DCLK1: variants seen among roughly 807,000 people sequenced by gnomAD.
DCLK1 encodes doublecortin like kinase 1.
DCLK1 carries 16 observed loss-of-function variants against 86.2 expected under a neutral mutation model. That is an observed-to-expected ratio of 0.19 (90% CI 0.13 to 0.28). The LOEUF is 0.28. Among genes scored for constraint, DCLK1 ranks in the 10% least tolerant of loss-of-function variants. The probability of loss-of-function intolerance (pLI) is 1.00; values close to 1 mark genes in which losing one functional copy is unlikely to be tolerated. For synonymous variants in DCLK1, 369 were observed against 370.5 expected (o/e 1.00, Z 0.05); for missense variants, 590 against 940.2 (o/e 0.63, Z 4.87).
intron 16 of DCLK1, among the ~76,000 whole-genome samples, chr13:35,776,871 A>G (rs2086433453): frequency 6.6e-6 from 1 of 152,174 alleles, no homozygotes; most frequent in East Asian, 1.9e-4. Flanking sequence ...GGCTGCAGCC[A>G]CTGAAATACA....
chr13:35,981,843 T>C (rs977077744), intron 3 of DCLK1, among the ~76,000 whole-genome samples: 6 of 152,212 alleles, frequency 3.9e-5, no homozygotes, highest in Admixed American at 6.5e-5. Context: ...AATTCCATTT[T>C]TAATTTTTTA....
intron 3 of DCLK1, among the ~76,000 whole-genome samples, chr13:36,058,755 T>C (rs917186591): frequency 1.3e-5 from 2 of 152,182 alleles, no homozygotes; most frequent in Admixed American, 1.3e-4. Flanking sequence ...CTGTGAGAAC[T>C]CGATTGAGCA....
rs58824322 is a variant in DCLK1 at position 36,100,179 on chromosome 13, C to CAAAAAAAAAAAAAAAAAAA, written c.723+11671_723+11689dup. On this transcript the variant is annotated intron_variant, in intron 3 of 16. Transcript: ENST00000360631. ...ACAACAGGGCAAAACCCTGTCTCTA[C>CAAAAAAAAAAAAAAAAAAA]AAAAAAAAAAAAAAAAAAAAAAAAA... 1.3e-4 allele frequency among the ~76,000 whole-genome samples: 5 copies of CAAAAAAAAAAAAAAAAAAA among 37,686 alleles called. 1 individual carries two copies. The highest frequency in any genetic ancestry group is 2.1e-4 in the Non-Finnish European group (5 of 23,304). 24.7% of individuals were successfully genotyped at this position (37,686 alleles called of 152,430 possible).
chr13:36,031,951 G>A (rs1005214008), intron 3 of DCLK1, among the ~76,000 whole-genome samples: 2 of 152,148 alleles, frequency 1.3e-5, no homozygotes, highest in Non-Finnish European at 2.9e-5. Flanking sequence ...AACACTTTAG[G>A]TGGAAGGAGA....
At chr13:36,052,494 A>C (rs186200991) in intron 3 of DCLK1, among the ~76,000 whole-genome samples, 95 of 152,290 alleles carry the variant, frequency 6.2e-4, no homozygotes, top group African/African-American at 2.2e-3. Flanking sequence ...CCTTAGGTTG[A>C]TAATTCATTC....
chr13:35,908,323 G>A (rs888904744), intron 4 of DCLK1, among the ~76,000 whole-genome samples: 11 of 152,144 alleles, frequency 7.2e-5, no homozygotes, highest in Admixed American at 7.2e-4. Context: ...GAAGATAAAA[G>A]CTTTCTCATC....
At chr13:35,994,150 G>A (rs747431055) in intron 3 of DCLK1, among the ~76,000 whole-genome samples, 13 of 152,150 alleles carry the variant, frequency 8.5e-5, no homozygotes, top group Non-Finnish European at 1.5e-4. Flanking sequence ...AGTAGGTTGG[G>A]GCATGGTGAT....
chr13:35,951,495 G>T (rs1271750684), intron 3 of DCLK1, among the ~76,000 whole-genome samples: 1 of 150,344 alleles, frequency 6.7e-6, no homozygotes, highest in Non-Finnish European at 1.5e-5. Context: ...CTATTGCTCA[G>T]TTGCAGATTC....
chr13:35,837,257 T>C (rs1020039790), intron 7 of DCLK1, among the ~76,000 whole-genome samples: 1 of 152,248 alleles, frequency 6.6e-6, no homozygotes, highest in African/African-American at 2.4e-5. Flanking sequence ...TTGGCATCAA[T>C]CTGAATTCTA....
rs577451833 is a variant in DCLK1 at position 36,124,608 on chromosome 13, A to G, written c.376+1154T>C. Among the ~76,000 whole-genome samples the G allele has an allele frequency of 3.9e-5, 6 of 152,234 alleles. No homozygotes were observed. The South Asian group carries it at 1.0e-3, about 26-fold the overall frequency. On this transcript the variant is annotated intron_variant, in intron 2 of 16. Coordinates refer to ENST00000360631, the MANE Select transcript of DCLK1 (RefSeq NM_001330071.2). ...TGCGGTCAGGGGAGAGCAGCCCCCA[A>G]CTCCAACGGGGCTGCAACGGGTGCT...
intron 2 of DCLK1, among the ~76,000 whole-genome samples, chr13:36,123,274 A>G (rs1444147362): frequency 6.6e-6 from 1 of 152,206 alleles, no homozygotes; most frequent in Non-Finnish European, 1.5e-5. Context: ...AAAGAGGCGA[A>G]TCTAAATGAA....
chr13:35,828,109 T>G, intron 9 of DCLK1, 141 bp downstream of exon 9: 1 of 671,194 alleles, frequency 1.5e-6, no homozygotes, highest in Non-Finnish European at 2.5e-6. Flanking sequence ...ATACATAAAG[T>G]TATATTCTAG....
At chr13:35,919,576 A>G (rs748920472) in intron 4 of DCLK1, among the ~76,000 whole-genome samples, 1 of 152,178 alleles carries the variant, frequency 6.6e-6, no homozygotes, top group Non-Finnish European at 1.5e-5. Context: ...CAGTTTGACC[A>G]TAGCCCTCTC....
chr13:36,049,869 A>G (rs1301331189), intron 3 of DCLK1, among the ~76,000 whole-genome samples: 1 of 152,220 alleles, frequency 6.6e-6, no homozygotes, highest in East Asian at 1.9e-4. Context: ...AAATCATTCA[A>G]TACAAATATG....
chr13:35,843,237 A>T (rs1026821741), intron 6 of DCLK1, among the ~76,000 whole-genome samples: 6 of 152,198 alleles, frequency 3.9e-5, no homozygotes, highest in Non-Finnish European at 7.3e-5. Flanking sequence ...TACAAAACGT[A>T]CAGTTATTTT....
chr13:35,838,720 T>C (rs80200573), intron 7 of DCLK1, among the ~76,000 whole-genome samples: 3,003 of 152,284 alleles, frequency 0.02, 113 homozygotes, highest in African/African-American at 0.068. Context: ...AAAGAATAAA[T>C]TGTCTTTAAA....
intron 3 of DCLK1, among the ~76,000 whole-genome samples, chr13:35,996,513 A>T (rs1303247251): frequency 6.6e-6 from 1 of 152,206 alleles, no homozygotes; most frequent in Non-Finnish European, 1.5e-5. Flanking sequence ...TCTGTAATGC[A>T]GGTGGGCCTC....
In DCLK1 at chr13:35,892,697, T is replaced by C. The variant is rs572439854; in HGVS notation, c.824-21357A>G. On this transcript the variant is annotated intron_variant, in intron 4 of 16. Transcript: ENST00000360631. ...TCAGCAAAGGATTTTAGTCCACGCC[T>C]TGCACTCTCCCATGATAAAGGGACA... Among the ~76,000 whole-genome samples the C allele has an allele frequency of 4.6e-5, 7 of 152,322 alleles. No homozygotes were observed. In the East Asian group the frequency reaches 1.4e-3, roughly 29 times the overall value.
chr13:35,955,563 G>C (rs1268625361), intron 3 of DCLK1, among the ~76,000 whole-genome samples: 1 of 152,092 alleles, frequency 6.6e-6, no homozygotes, highest in Non-Finnish European at 1.5e-5. Context: ...TAGGAATTTG[G>C]GGGGATACAA....
Sources: allele counts gnomAD v4.1 joint callset (sites outside exome capture counted in the v4.1 genomes callset), GRCh38; gene constraint gnomAD v4.1.1; transcripts MANE v1.5; gene names NCBI Gene and HGNC (gene_info 2026-07-23, HGNC 2026-07-21).